ZNF385D: variants seen among roughly 807,000 people sequenced by gnomAD.
The protein encoded by ZNF385D is zinc finger protein 659.
A neutral mutation model predicts 35.8 loss-of-function variants in ZNF385D; 15 were observed. The observed-to-expected ratio is 0.42, with a 90% CI of 0.28 to 0.64. The LOEUF is 0.64. ZNF385D is among the 30% of genes least tolerant of loss of function. The pLI is 0.23. For missense variants in ZNF385D, 474 were observed against 494.6 expected (o/e 0.96, Z 0.39); for synonymous variants, 212 against 186.8 (o/e 1.13, Z -1.10).
chr3:21,879,096 G>C (rs965333250), intron 3 of ZNF385D, among the ~76,000 whole-genome samples: 2 of 151,900 alleles, frequency 1.3e-5, no homozygotes, highest in African/African-American at 4.8e-5. Context: ...AACACATCAA[G>C]ATAGAAACAC....
rs543814754 is a variant in ZNF385D, at chr3:21,759,271, C to T, written c.326-94243G>A. Among the ~76,000 whole-genome samples, 29 of 151,988 alleles carry T rather than the reference C, an allele frequency of 1.9e-4. 1 individual carries two copies. In the East Asian group the frequency reaches 2.1e-3, roughly 11 times the overall value. On this transcript the variant is annotated intron_variant, in intron 3 of 5. Transcript: ENST00000494108. The stretch of plus-strand genomic sequence containing the variant: ...TTAAGCCCTGTCTTTAATATTGACC[C>T]GGACTGATATAATGCAGAAAGAGCT...
intron 3 of ZNF385D, among the ~76,000 whole-genome samples, chr3:21,512,784 T>C (rs1462164856): frequency 1.3e-5 from 2 of 152,304 alleles, no homozygotes; most frequent in East Asian, 3.9e-4. Context: ...TTTTGTCTTT[T>C]TTTTCCCTGC....
intron 2 of ZNF385D, among the ~76,000 whole-genome samples, chr3:21,594,873 C>T (rs1167895271): frequency 6.6e-6 from 1 of 152,158 alleles, no homozygotes. Context: ...ATTATAAACA[C>T]ATTTTTAAAA....
At chr3:22,013,681 C>T (rs61553318) in intron 3 of ZNF385D, among the ~76,000 whole-genome samples, 1 of 151,986 alleles carries the variant, frequency 6.6e-6, no homozygotes, top group Non-Finnish European at 1.5e-5. Flanking sequence ...TAAAAATTTA[C>T]GTACAGCCTG....
At chr3:21,881,764 T>G (rs1024857842) in intron 3 of ZNF385D, among the ~76,000 whole-genome samples, 3 of 151,988 alleles carry the variant, frequency 2.0e-5, no homozygotes, top group African/African-American at 7.2e-5. Context: ...TCATTCTAGA[T>G]GCCATTAAGC....
intron 3 of ZNF385D, among the ~76,000 whole-genome samples, chr3:21,933,892 A>G (rs991883368): frequency 1.3e-5 from 2 of 152,070 alleles, no homozygotes; most frequent in African/African-American, 4.8e-5. Context: ...TTAAATCATA[A>G]GACTGCCAGG....
chr3:21,758,917 C>T (rs2070467639), intron 3 of ZNF385D, among the ~76,000 whole-genome samples: 1 of 134,016 alleles, frequency 7.5e-6, no homozygotes, highest in East Asian at 2.5e-4. Context: ...TCCCAGACCA[C>T]CTAGTATGGT....
At chr3:21,533,727 C>G (rs1044926011) in intron 3 of ZNF385D, among the ~76,000 whole-genome samples, 11 of 152,154 alleles carry the variant, frequency 7.2e-5, no homozygotes, top group African/African-American at 2.6e-4. Flanking sequence ...TAAATTGCTC[C>G]TAGAATTAAT....
chr3:22,091,108 G>A (rs1367663167), intron 3 of ZNF385D, among the ~76,000 whole-genome samples: 1 of 152,132 alleles, frequency 6.6e-6, no homozygotes, highest in East Asian at 1.9e-4. Flanking sequence ...TGAATTCCTT[G>A]ATATAGGAAA....
At position 21,831,506 on chromosome 3, in the gene ZNF385D, C is replaced by T. The variant is rs535361129; in HGVS notation, c.326-166478G>A. 9.9e-5 allele frequency among the ~76,000 whole-genome samples: 15 copies of T among 152,240 alleles called. No homozygotes were observed. The East Asian group carries it at 2.7e-3, about 27-fold the overall frequency. ...TTTGTTCCAAGCTAGTGGCGGTGCT[C>T]GAACTTAAACTCAGACCTTTCTACA... On this transcript the variant is annotated intron_variant, in intron 3 of 5. Coordinates refer to the ZNF385D transcript ENST00000494108.
chr3:22,021,535 T>G (rs80059155), intron 3 of ZNF385D, among the ~76,000 whole-genome samples: 2 of 152,052 alleles, frequency 1.3e-5, no homozygotes, highest in African/African-American at 4.8e-5. Flanking sequence ...TTTGAGTAAG[T>G]TGCTTTAATT....
intron 2 of ZNF385D, among the ~76,000 whole-genome samples, chr3:22,176,024 G>A (rs6550671): frequency 0.58 from 87,550 of 151,062 alleles, 27,932 homozygotes; most frequent in African/African-American, 0.86. Context: ...TTCACAAGCT[G>A]TAAAGTACCA....
At chr3:21,901,173 T>C (rs73042647) in intron 3 of ZNF385D, among the ~76,000 whole-genome samples, 296 of 152,306 alleles carry the variant, frequency 1.9e-3, no homozygotes, top group Non-Finnish European at 3.5e-3. Flanking sequence ...ATGATAAAAT[T>C]AAAAGGCTAT....
At chr3:22,131,424 G>A (rs1233716143) in intron 3 of ZNF385D, among the ~76,000 whole-genome samples, 1 of 152,100 alleles carries the variant, frequency 6.6e-6, no homozygotes, top group Non-Finnish European at 1.5e-5. Flanking sequence ...TTTCTATAAG[G>A]GGAAAAGGAA....
intron 3 of ZNF385D, among the ~76,000 whole-genome samples, chr3:22,104,078 G>A (rs1403119438): frequency 1.3e-5 from 2 of 152,052 alleles, no homozygotes; most frequent in Non-Finnish European, 2.9e-5. Context: ...ACGTATGTGA[G>A]AACTTGTTAT....
At chr3:21,628,211 G>C (rs946606180) in intron 2 of ZNF385D, among the ~76,000 whole-genome samples, 1 of 152,106 alleles carries the variant, frequency 6.6e-6, no homozygotes, top group African/African-American at 2.4e-5. Context: ...GTTGCAAAAA[G>C]TCTTCACTCT....
intron 2 of ZNF385D, among the ~76,000 whole-genome samples, chr3:22,332,731 A>G (rs941626427): frequency 1.3e-5 from 2 of 152,214 alleles, no homozygotes; most frequent in Non-Finnish European, 2.9e-5. Context: ...TGGCTATACA[A>G]TGAAAACAAT....
rs141990646 is a variant in ZNF385D, at chr3:22,264,713, A to G, written c.107-95678T>C. On this transcript the variant is annotated intron_variant, in intron 2 of 5. Coordinates refer to the ZNF385D transcript ENST00000494108. ...TATTGGTGCAGAACTTGGTACACCA[A>G]TTAGGTGATTAATGAATACTTGTTG... 3.3e-3 allele frequency among the ~76,000 whole-genome samples: 504 copies of G among 152,132 alleles called. 5 individuals are homozygous for G. Among genetic ancestry groups the G allele is most frequent in the African/African-American group, 0.01 (436 of 41,556 alleles).
intron 3 of ZNF385D, among the ~76,000 whole-genome samples, chr3:21,870,784 G>C (rs1697649281): frequency 6.6e-6 from 1 of 152,028 alleles, no homozygotes; most frequent in Non-Finnish European, 1.5e-5. Flanking sequence ...GCATGTTCTA[G>C]CATACCACTG....
Sources: gnomAD v4.1 joint callset for allele counts (sites outside exome capture counted in the v4.1 genomes callset) on GRCh38, gnomAD v4.1.1 for gene constraint, MANE v1.5 for transcripts, NCBI Gene and HGNC (gene_info 2026-07-23, HGNC 2026-07-21) for gene names.